The following ST8SIA6 variants were observed in gnomAD, a reference collection of about 807,000 sequenced individuals.
ST8SIA6 encodes the protein alpha-2,8-sialyltransferase 8F.
ST8SIA6 carries 39 observed loss-of-function variants against 33.6 expected under a neutral mutation model. That is an observed-to-expected ratio of 1.16 (90% CI 0.90 to 1.52). ST8SIA6 has a LOEUF of 1.52. Among genes scored for constraint, ST8SIA6 ranks in the 40% most tolerant of loss-of-function variants. The pLI is 0.00. For synonymous variants in ST8SIA6, 172 were observed against 167.2 expected (o/e 1.03, Z -0.22); for missense variants, 441 against 443.8 (o/e 0.99, Z 0.06).
intron 6 of ST8SIA6, among the ~76,000 whole-genome samples, chr10:17,326,386 T>G (rs1317617685): frequency 6.6e-6 from 1 of 152,196 alleles, no homozygotes; most frequent in Non-Finnish European, 1.5e-5. Flanking sequence ...TGGAGATGCT[T>G]TGGTATGGCT....
chr10:17,418,681 C>T (rs985636325), intron 2 of ST8SIA6, among the ~76,000 whole-genome samples: 1 of 152,158 alleles, frequency 6.6e-6, no homozygotes, highest in Non-Finnish European at 1.5e-5. Flanking sequence ...ATTTTCCTTT[C>T]AAATTGTTTA....
At position 17,376,577 on chromosome 10, in the gene ST8SIA6, C is replaced by G. The variant is rs539591958; in HGVS notation, c.290+13954G>C. On this transcript the variant is annotated intron_variant, in intron 3 of 7. Coordinates refer to ENST00000377602, the MANE Select transcript of ST8SIA6 (RefSeq NM_001004470.3). Reference sequence around the variant, plus strand: ...CTGGGTCAGCACCTCTAAGTATCTGCTCTTAGAAAAATCATTTCATTTATC... The same window carrying G: ...CTGGGTCAGCACCTCTAAGTATCTGGTCTTAGAAAAATCATTTCATTTATC... 4.6e-5 allele frequency among the ~76,000 whole-genome samples: 7 copies of G among 152,220 alleles called. No homozygotes were observed. The South Asian group carries it at 1.5e-3, about 32-fold the overall frequency.
intron 5 of ST8SIA6, 107 bp downstream of exon 5, chr10:17,331,301 A>T (rs1272289361): frequency 7.3e-7 from 1 of 1,371,686 alleles, no homozygotes. Context: ...CAACATAACA[A>T]TATGGTATTT....
At chr10:17,405,576 A>G (rs771194471) in intron 2 of ST8SIA6, among the ~76,000 whole-genome samples, 2 of 148,752 alleles carry the variant, frequency 1.3e-5, no homozygotes, top group African/African-American at 5.0e-5. Context: ...GATACATACT[A>G]GATGCTTAAC....
intron 4 of ST8SIA6, among the ~76,000 whole-genome samples, chr10:17,338,279 C>T (rs961768028): frequency 2.0e-5 from 3 of 152,164 alleles, no homozygotes; most frequent in Admixed American, 6.5e-5. Context: ...GTGATCCGCT[C>T]GCCTCGGCCT....
chr10:17,357,545 C>G (rs1157290738), intron 4 of ST8SIA6, among the ~76,000 whole-genome samples: 1 of 152,180 alleles, frequency 6.6e-6, no homozygotes, highest in African/African-American at 2.4e-5. Flanking sequence ...GCTTCTCTGC[C>G]TCTCAGCCAA....
chr10:17,328,228 T>C (rs1257552915), intron 5 of ST8SIA6, among the ~76,000 whole-genome samples: 1 of 152,200 alleles, frequency 6.6e-6, no homozygotes, highest in Non-Finnish European at 1.5e-5. Flanking sequence ...CTTAAATAGT[T>C]AGACCTTCAG....
chr10:17,333,692 TATATATATATATA>T (rs1848383288), intron 4 of ST8SIA6, among the ~76,000 whole-genome samples: 2 of 29,104 alleles, frequency 6.9e-5, no homozygotes, highest in East Asian at 1.8e-3. Context: ...TATATATATA[TATATATATATATA>T]TATATATATA....
intron 3 of ST8SIA6, among the ~76,000 whole-genome samples, chr10:17,380,348 G>C (rs1237846300): frequency 6.6e-6 from 1 of 152,166 alleles, no homozygotes; most frequent in East Asian, 1.9e-4. Flanking sequence ...CAACCAGCTG[G>C]TGTTAATGTC....
chr10:17,333,814 CG>C (rs1848414389), intron 4 of ST8SIA6, among the ~76,000 whole-genome samples: 1 of 143,532 alleles, frequency 7.0e-6, no homozygotes, highest in Admixed American at 7.1e-5. Flanking sequence ...TTCCACTTCC[CG>C]GGTTCAAGCA....
chr10:17,321,366 T>A lies in ST8SIA6; in HGVS notation c.729-20A>T, dbSNP rs777655227. ...CCATATCTGCCAAATTAAAAAAAAATTATAGTAATCCCAAGAATAATAATC... is the reference window on the plus strand; with the variant it reads ...CCATATCTGCCAAATTAAAAAAAAAATATAGTAATCCCAAGAATAATAATC... On this transcript the variant is annotated intron_variant, in intron 7 of 7. Transcript: ENST00000377602. The A allele has an allele frequency of 9.1e-6, 14 of 1,545,332 alleles. No individual in the cohort carries two copies. Among genetic ancestry groups the A allele is most frequent in the Non-Finnish European group, 1.1e-5 (13 of 1,144,008 alleles).
chr10:17,445,048 C>T (rs1202136879), intron 2 of ST8SIA6, among the ~76,000 whole-genome samples: 1 of 152,120 alleles, frequency 6.6e-6, no homozygotes, highest in Admixed American at 6.5e-5. Context: ...ATCTAATAGC[C>T]TTCATCTATT....
chr10:17,320,966 T>G lies in ST8SIA6; in HGVS notation c.1109A>C (p.His370Pro). The G allele has an allele frequency of 1.2e-6, 2 of 1,614,138 alleles. No individual in the cohort carries two copies. Among genetic ancestry groups the G allele is most frequent in the Non-Finnish European group, 1.7e-6 (2 of 1,179,978 alleles). ...YDNKLPKHGFHQMPKEYSQIL... is the reference protein window; with the variant it reads ...YDNKLPKHGFPQMPKEYSQIL... ...CTGGCTGTATTCTTTGGGCATCTGA[T>G]GGAAACCATGTTTAGGTAGCTTGTT... Residue 370 changes from histidine (H) to proline (P), a missense_variant, in exon 8 of 8, where the codon CAT (histidine) becomes CCT (proline). Coordinates refer to ENST00000377602, the MANE Select transcript of ST8SIA6 (RefSeq NM_001004470.3).
At chr10:17,442,735 T>G (rs1852546277) in intron 2 of ST8SIA6, among the ~76,000 whole-genome samples, 1 of 152,188 alleles carries the variant, frequency 6.6e-6, no homozygotes, top group South Asian at 2.1e-4. Context: ...TAGATATGGG[T>G]TTTCAACTCT....
intron 3 of ST8SIA6, among the ~76,000 whole-genome samples, chr10:17,369,273 A>C (rs1440838154): frequency 6.6e-6 from 1 of 152,004 alleles, no homozygotes; most frequent in East Asian, 1.9e-4. Context: ...CTATGTCTTC[A>C]TTTTCATTCA....
At chr10:17,324,708 T>TATAC (rs1554783932) in intron 6 of ST8SIA6, among the ~76,000 whole-genome samples, 9 of 140,010 alleles carry the variant, frequency 6.4e-5, no homozygotes, top group Admixed American at 3.6e-4. Flanking sequence ...ATATAGAGTA[T>TATAC]ACACACACAC....
At chr10:17,388,062 A>G (rs1850445651) in intron 3 of ST8SIA6, among the ~76,000 whole-genome samples, 2 of 152,258 alleles carry the variant, frequency 1.3e-5, no homozygotes, top group Non-Finnish European at 2.9e-5. Flanking sequence ...GGCTTGGGAC[A>G]TCAAGGGTGG....
rs1009481447 is a variant in ST8SIA6, at chr10:17,318,937, C to T, written c.*1941G>A. ...GATATATGGAAGGTGGGATATATGC[C>T]CTACCAGGAAGAAAATGTTAGGATT... On this transcript the variant is annotated 3_prime_UTR_variant, in exon 8 of 8. Coordinates refer to ENST00000377602, the MANE Select transcript of ST8SIA6 (RefSeq NM_001004470.3). Among the ~76,000 whole-genome samples the T allele has an allele frequency of 6.6e-6, 1 of 151,986 alleles. No homozygotes were observed. The highest frequency in any genetic ancestry group is 2.4e-5 in the African/African-American group (1 of 41,372).
chr10:17,323,231 A>ACGCACACACG, intron 6 of ST8SIA6, 74 bp from the exon 7 acceptor site: 1 of 228,882 alleles, frequency 4.4e-6, no homozygotes, highest in Non-Finnish European at 7.5e-6. Context: ...ATATGCGCGC[A>ACGCACACACG]CACACACACA....
Sources: allele counts gnomAD v4.1 joint callset (sites outside exome capture counted in the v4.1 genomes callset), GRCh38; gene constraint gnomAD v4.1.1; transcripts MANE v1.5; gene names NCBI Gene and HGNC (gene_info 2026-07-23, HGNC 2026-07-21).